NFATC2: variants seen among roughly 807,000 people sequenced by gnomAD.
The protein encoded by NFATC2 is nuclear factor of activated T-cells, cytoplasmic 2.
In NFATC2, 22 loss-of-function variants were observed where a neutral mutation model predicts 87.3. That is an observed-to-expected ratio of 0.25 (90% CI 0.18 to 0.36). The LOEUF (loss-of-function observed/expected upper bound fraction) is 0.36, where lower values mean the gene tolerates loss of function less well. NFATC2 is among the 10% of genes least tolerant of loss of function. The probability of loss-of-function intolerance (pLI) is 1.00; values close to 1 mark genes in which losing one functional copy is unlikely to be tolerated. For synonymous variants in NFATC2, 565 were observed against 542.2 expected (o/e 1.04, Z -0.58); for missense variants, 1,149 against 1,259.1 (o/e 0.91, Z 1.32).
chr20:51,397,876 A>G (rs1168852902), intron 10 of NFATC2, among the ~76,000 whole-genome samples: 1 of 152,220 alleles, frequency 6.6e-6, no homozygotes, highest in Non-Finnish European at 1.5e-5. Flanking sequence ...AATAACAGCA[A>G]CAGCATCTAA....
chr20:51,452,564 A>G (rs1985934425), intron 6 of NFATC2, among the ~76,000 whole-genome samples: 2 of 152,136 alleles, frequency 1.3e-5, no homozygotes, highest in South Asian at 2.1e-4. Flanking sequence ...AGGTGAGATC[A>G]TGGTTCATCC....
chr20:51,526,183 C>A, intron 1 of NFATC2, among the ~76,000 whole-genome samples: 1 of 152,250 alleles, frequency 6.6e-6, no homozygotes, highest in Middle Eastern at 3.4e-3. Context: ...CAGCTCCCGT[C>A]GCACCAGGTA....
intron 9 of NFATC2, among the ~76,000 whole-genome samples, chr20:51,404,733 C>T (rs1988386925): frequency 1.3e-5 from 2 of 152,318 alleles, no homozygotes; most frequent in South Asian, 2.1e-4. Flanking sequence ...GCCATGCTCT[C>T]AGAGATGCAT....
At chr20:51,408,184 A>G (rs959120973) in intron 9 of NFATC2, among the ~76,000 whole-genome samples, 1 of 152,160 alleles carries the variant, frequency 6.6e-6, no homozygotes, top group Non-Finnish European at 1.5e-5. Context: ...CTAGTATGAA[A>G]GATAACTTTT....
chr20:51,410,980 AT>A lies in NFATC2; in HGVS notation c.2723-12251del, dbSNP rs369560810. 5.7e-3 allele frequency among the ~76,000 whole-genome samples: 865 copies of A among 152,280 alleles called. 5 individuals carry two copies. The highest frequency in any genetic ancestry group is 0.02 in the African/African-American group (824 of 41,534). ...CCTGGCTGGAAGCAGGTGTTGATAG[AT>A]GACAGTGGTGATGGTGATAATGATA... On this transcript the variant is annotated intron_variant, in intron 9 of 10. Coordinates refer to ENST00000371564, the MANE Select transcript of NFATC2 (RefSeq NM_012340.5).
intron 2 of NFATC2, among the ~76,000 whole-genome samples, chr20:51,517,638 TG>T (rs2076374536): frequency 6.6e-6 from 1 of 150,484 alleles, no homozygotes; most frequent in East Asian, 1.9e-4. Flanking sequence ...AACACAAGGC[TG>T]GGTGCAGTGG....
At chr20:51,479,168 A>T (rs773134205) in intron 3 of NFATC2, among the ~76,000 whole-genome samples, 8 of 152,182 alleles carry the variant, frequency 5.3e-5, no homozygotes, top group Non-Finnish European at 1.0e-4. Context: ...ACATCACTGG[A>T]ATATTTACTT....
intron 1 of NFATC2, among the ~76,000 whole-genome samples, chr20:51,525,322 C>T (rs2076526168): frequency 1.3e-5 from 2 of 152,182 alleles, no homozygotes; most frequent in Admixed American, 6.5e-5. Flanking sequence ...CTGCTGCCAC[C>T]TCGAAAGGCC....
In NFATC2 at chr20:51,509,811, T is replaced by A. The variant is rs560753968; in HGVS notation, c.1332+6973A>T. 5.6e-4 allele frequency among the ~76,000 whole-genome samples: 86 copies of A among 152,346 alleles called. No individual in the cohort carries two copies. The South Asian group carries it at 0.017, about 30-fold the overall frequency. On this transcript the variant is annotated intron_variant, in intron 3 of 10. Coordinates refer to ENST00000371564, the MANE Select transcript of NFATC2 (RefSeq NM_012340.5). ...AAGCTGAAATCCAACAGAATGAGCA[T>A]CCACGTCCCATAATCCATTTTATGA...
intron 3 of NFATC2, among the ~76,000 whole-genome samples, chr20:51,500,807 C>T (rs111385890): frequency 1.7e-3 from 1 of 594 alleles, no homozygotes; most frequent in Non-Finnish European, 3.2e-3. Context: ...CGCACCTCTA[C>T]CCCCACACTC....
At position 51,432,535 on chromosome 20, in the gene NFATC2, A is replaced by T. The variant is rs773691621; in HGVS notation, c.2254T>A (p.Tyr752Asn). Residue 752 changes from tyrosine to asparagine, a missense_variant, in exon 9 of 11, where the codon TAC (tyrosine) becomes AAC (asparagine). Physicochemically the swap from Tyr to Asn is moderately radical, Grantham distance 143. Around this residue, in one of 3 missense-constraint regions of NFATC2, gnomAD observed 581 missense variants for 649.7 expected, o/e 0.89. Transcript: ENST00000371564. The surrounding 1 kb of genome is among the most constrained non-coding windows in gnomAD (Gnocchi z 4.6). ...YQQQNPAAVL[Y>N]QRSKSLSPSL... ...GGGCTCAGGCTCTTGCTCCGCTGGT[A>T]GAGTACGGCCGCTGGGTTCTGTTGC... The T allele has an allele frequency of 1.3e-6, 2 of 1,552,840 alleles. No homozygotes were observed. The highest frequency in any genetic ancestry group is 2.5e-5 in the South Asian group (2 of 80,742).
chr20:51,523,088 T>C lies in NFATC2; in HGVS notation c.1153A>G (p.Ile385Val), dbSNP rs1176288801. Residue 385 changes from isoleucine (I) to valine (V), a missense_variant, in exon 2 of 11, where the codon ATC becomes GTC. By Grantham distance (29) the Ile-to-Val change is conservative. This residue lies in a region of NFATC2 where 563 missense variants were observed against 585.2 expected (regional missense o/e 0.96). Coordinates refer to ENST00000371564, the MANE Select transcript of NFATC2 (RefSeq NM_012340.5). This position sits in a 1 kb window ranked among gnomAD's most constrained non-coding sequence, Gnocchi z 6.9. ...WPKPLVPAIP[I>V]CSIPVTASLP... ...TTTCAAAGCCCTGCTCACCTGCAGA[T>C]GGGAATGGCAGGCACCAGCGGCTTG... The C allele has an allele frequency of 1.2e-6, 2 of 1,614,152 alleles. No individual in the cohort carries two copies. Among genetic ancestry groups the C allele is most frequent in the Admixed American group, 1.7e-5 (1 of 60,026 alleles).
intron 6 of NFATC2, among the ~76,000 whole-genome samples, chr20:51,444,486 G>A (rs368336935): frequency 2.6e-5 from 4 of 152,254 alleles, no homozygotes; most frequent in South Asian, 4.1e-4. Flanking sequence ...AGGGTTGGCC[G>A]TGGGTTGGGG....
intron 1 of NFATC2, among the ~76,000 whole-genome samples, chr20:51,532,454 C>G (rs1299783957): frequency 1.3e-5 from 2 of 152,192 alleles, no homozygotes; most frequent in Admixed American, 1.3e-4. Flanking sequence ...CATCATTTCA[C>G]TCGGGAGGTG....
At chr20:51,542,322 G>GAGCC in intron 1 of NFATC2, 48 bp downstream of exon 1, 1 of 1,579,852 alleles carries the variant, frequency 6.3e-7, no homozygotes, top group Non-Finnish European at 8.6e-7. Flanking sequence ...CCCCAGGCCT[G>GAGCC]AGCCCCTGGC....
chr20:51,562,473 G>T lies in NFATC2; in HGVS notation c.70+87C>A, dbSNP rs2077041293. On this transcript the variant is annotated intron_variant, in intron 1 of 10. Transcript: ENST00000414705. This position sits in a 1 kb window ranked among gnomAD's most constrained non-coding sequence, Gnocchi z 5.8. ...CCTCCCGCACCGACCTCTGCCGGGA[G>T]CTGAAAGTGCTGCCCGGGACGGGAG... The T allele has an allele frequency of 8.1e-7, 1 of 1,227,720 alleles. No individual in the cohort carries two copies. Among genetic ancestry groups the T allele is most frequent in the Non-Finnish European group, 1.2e-6 (1 of 865,860 alleles). 76.1% of individuals were successfully genotyped at this position (1,227,720 alleles called of 1,614,324 possible).
chr20:51,549,765 C>T (rs769999911), intron 1 of NFATC2, among the ~76,000 whole-genome samples: 17 of 152,214 alleles, frequency 1.1e-4, no homozygotes, highest in Non-Finnish European at 2.4e-4. Context: ...CCAAGCTAAT[C>T]TGAGTAGCAG....
intron 1 of NFATC2, among the ~76,000 whole-genome samples, chr20:51,536,898 A>AACAC (rs10648135): frequency 0.13 from 19,714 of 149,556 alleles, 1,498 homozygotes; most frequent in African/African-American, 0.22. Context: ...GCAAGCACCA[A>AACAC]ACACACACAC....
At chr20:51,464,189 C>T (rs141931613) in intron 5 of NFATC2, among the ~76,000 whole-genome samples, 14 of 152,260 alleles carry the variant, frequency 9.2e-5, no homozygotes, top group Non-Finnish European at 1.8e-4. Flanking sequence ...TACAGAACTA[C>T]GGGAGGGCTG....
Sources: allele counts gnomAD v4.1 joint callset (sites outside exome capture counted in the v4.1 genomes callset), GRCh38; gene constraint gnomAD v4.1.1; regional missense constraint gnomAD v4.1.1; non-coding constraint Gnocchi (gnomAD v3.1); transcripts MANE v1.5; gene names NCBI Gene and HGNC (gene_info 2026-07-23, HGNC 2026-07-21).